The following ACOXL variants were observed in gnomAD, a reference collection of about 807,000 sequenced individuals.
ACOXL encodes the protein acyl-CoA oxidase like, also known as acyl-coenzyme A oxidase-like protein.
Under a neutral mutation model 71.9 loss-of-function variants are expected in ACOXL, and 70 were observed. That is an observed-to-expected ratio of 0.97 (90% CI 0.80 to 1.19). ACOXL has a LOEUF of 1.19. Among genes scored for constraint, ACOXL ranks in the 50% most tolerant of loss-of-function variants. The probability of loss-of-function intolerance (pLI) is 0.00; values close to 1 mark genes in which losing one functional copy is unlikely to be tolerated. For missense variants in ACOXL, 703 were observed against 736.3 expected, an observed-to-expected ratio of 0.95 and a Z score of 0.52; for synonymous variants, 253 against 281.6, an observed-to-expected ratio of 0.90 and a Z score of 1.02.
intron 10 of ACOXL, among the ~76,000 whole-genome samples, chr2:110,858,200 A>C (rs1693496089): frequency 6.6e-6 from 1 of 152,178 alleles, no homozygotes; most frequent in Non-Finnish European, 1.5e-5. Flanking sequence ...AAAAGACAAA[A>C]TTCCCTGAAA....
At chr2:111,030,778 C>T (rs867139840) in intron 14 of ACOXL, among the ~76,000 whole-genome samples, 5 of 151,492 alleles carry the variant, frequency 3.3e-5, no homozygotes, top group Admixed American at 6.6e-5. Context: ...ATGTGGTTTT[C>T]GAAACAAAGA....
chr2:110,768,347 T>C (rs201006011), intron 1 of ACOXL, 21 bp from the exon 2 acceptor site: 7 of 1,601,732 alleles, frequency 4.4e-6, no homozygotes, highest in Non-Finnish European at 6.0e-6. Flanking sequence ...GGCTGTCTTA[T>C]TTTGTATCTG....
chr2:110,879,345 A>T (rs917793311), intron 10 of ACOXL, among the ~76,000 whole-genome samples: 1 of 152,194 alleles, frequency 6.6e-6, no homozygotes, highest in Non-Finnish European at 1.5e-5. Flanking sequence ...CTCAAGGCAG[A>T]TGTCCGTGCC....
At chr2:111,054,795 C>A (rs1001619967) in intron 16 of ACOXL, among the ~76,000 whole-genome samples, 2 of 152,184 alleles carry the variant, frequency 1.3e-5, no homozygotes, top group Non-Finnish European at 2.9e-5. Context: ...ACCCTTCAGT[C>A]CTCCATGCTT....
intron 12 of ACOXL, among the ~76,000 whole-genome samples, chr2:110,972,227 G>A (rs1334709031): frequency 6.6e-6 from 1 of 152,216 alleles, no homozygotes; most frequent in Non-Finnish European, 1.5e-5. Context: ...CATCAGCACA[G>A]AAAGCAGGGC....
chr2:111,100,462 T>C (rs1294108957), intron 17 of ACOXL: 2 of 152,522 alleles, frequency 1.3e-5, no homozygotes, highest in African/African-American at 4.8e-5. Flanking sequence ...AGAGAGAAAA[T>C]AAATACTGAT....
At chr2:111,005,346 C>T (rs1470651570) in intron 14 of ACOXL, among the ~76,000 whole-genome samples, 1 of 152,172 alleles carries the variant, frequency 6.6e-6, no homozygotes, top group African/African-American at 2.4e-5. Flanking sequence ...TCTTTGGAAA[C>T]AACTGCTCTG....
At chr2:110,812,446 C>G (rs2105429839) in intron 9 of ACOXL, among the ~76,000 whole-genome samples, 1 of 152,260 alleles carries the variant, frequency 6.6e-6, no homozygotes, top group East Asian at 1.9e-4. Context: ...GTTACCTTTT[C>G]TGCTCCTCTC....
chr2:111,078,411 C>G (rs1156835343), intron 16 of ACOXL, among the ~76,000 whole-genome samples: 1 of 151,952 alleles, frequency 6.6e-6, no homozygotes, highest in East Asian at 1.9e-4. Context: ...TTGCAGGCAC[C>G]CACCACCATG....
chr2:111,059,779 A>G (rs79234991), intron 16 of ACOXL, among the ~76,000 whole-genome samples: 15 of 151,756 alleles, frequency 9.9e-5, no homozygotes, highest in Non-Finnish European at 1.9e-4. Context: ...AAAAAAAAAA[A>G]AGAGAGAAGA....
At chr2:111,021,729 G>A (rs1326110641) in intron 14 of ACOXL, among the ~76,000 whole-genome samples, 5 of 152,142 alleles carry the variant, frequency 3.3e-5, no homozygotes, top group African/African-American at 4.8e-5. Flanking sequence ...ATCATTTGGA[G>A]TGCAAATACA....
intron 12 of ACOXL, among the ~76,000 whole-genome samples, chr2:110,970,723 A>G (rs2062147850): frequency 1.3e-5 from 2 of 152,196 alleles, no homozygotes; most frequent in African/African-American, 4.8e-5. Flanking sequence ...CAGTGGAGGA[A>G]AGATGGCCTT....
intron 11 of ACOXL, among the ~76,000 whole-genome samples, chr2:110,922,740 G>A (rs2060125184): frequency 6.6e-6 from 1 of 152,116 alleles, no homozygotes; most frequent in Admixed American, 6.6e-5. Context: ...TATCAGAGAC[G>A]TAGACAAATG....
At position 110,849,672 on chromosome 2, in the gene ACOXL, T is replaced by C. The variant is rs186732331; in HGVS notation, c.788+8267T>C. Among the ~76,000 whole-genome samples, 274 of 152,216 alleles carry C rather than the reference T, an allele frequency of 1.8e-3. 1 individual carries two copies. Among genetic ancestry groups the C allele is most frequent in the African/African-American group, 6.2e-3 (256 of 41,532 alleles). ...ACTCAAGAGGCTGAGGCAGGAGAAT[T>C]GCTTGAACCCGGGAGGTGGAGGTTG... On this transcript the variant is annotated intron_variant, in intron 10 of 17. Coordinates refer to ENST00000439055, the MANE Select transcript of ACOXL (RefSeq NM_001142807.4).
chr2:110,824,534 T>C (rs548311802), intron 9 of ACOXL, among the ~76,000 whole-genome samples: 6 of 152,286 alleles, frequency 3.9e-5, no homozygotes, highest in African/African-American at 1.4e-4. Context: ...TTCTCTCTCT[T>C]TTGGGTAATT....
chr2:110,799,396 TG>T, intron 7 of ACOXL, among the ~76,000 whole-genome samples: 1 of 152,310 alleles, frequency 6.6e-6, no homozygotes, highest in Non-Finnish European at 1.5e-5. Context: ...ATCTGAGACT[TG>T]GGGGCTCTCA....
chr2:111,107,473 GGTTT>G (rs1389929572), intron 17 of ACOXL, among the ~76,000 whole-genome samples: 3 of 152,006 alleles, frequency 2.0e-5, no homozygotes, highest in Admixed American at 6.6e-5. Flanking sequence ...TGTTGTTGTT[GGTTT>G]TTTTGGTTTT....
At chr2:110,807,475 C>G (rs532422306) in intron 9 of ACOXL, among the ~76,000 whole-genome samples, 2 of 152,298 alleles carry the variant, frequency 1.3e-5, no homozygotes, top group Non-Finnish European at 2.9e-5. Context: ...TGCTGGGTAC[C>G]CTCGCCTCCA....
chr2:110,898,087 T>G (rs1310871575), intron 10 of ACOXL, among the ~76,000 whole-genome samples: 2 of 152,158 alleles, frequency 1.3e-5, no homozygotes, highest in Non-Finnish European at 2.9e-5. Context: ...CTAAGGAAAT[T>G]GAACTCATGA....
Sources: gnomAD v4.1 joint callset for allele counts (sites outside exome capture counted in the v4.1 genomes callset) on GRCh38, gnomAD v4.1.1 for gene constraint, MANE v1.5 for transcripts, NCBI Gene and HGNC (gene_info 2026-07-23, HGNC 2026-07-21) for gene names.